SLC17A1: variants seen among roughly 807,000 people sequenced by gnomAD.
SLC17A1 encodes solute carrier family 17 member 1, also known as sodium-dependent phosphate transport protein 1.
Under a neutral mutation model 53.5 loss-of-function variants are expected in SLC17A1, and 51 were observed. The observed-to-expected ratio is 0.95, with a 90% CI of 0.76 to 1.20. The LOEUF (loss-of-function observed/expected upper bound fraction) is 1.20, where lower values mean the gene tolerates loss of function less well. SLC17A1 is among the 50% of genes most tolerant of loss of function. The pLI is 0.00. For synonymous variants in SLC17A1, 179 were observed against 198.8 expected, an observed-to-expected ratio of 0.90 and a Z score of 0.84; for missense variants, 538 against 568.2, an observed-to-expected ratio of 0.95 and a Z score of 0.54.
At chr6:25,801,519 A>G (rs1412047099) in intron 10 of SLC17A1, among the ~76,000 whole-genome samples, 3 of 152,226 alleles carry the variant, frequency 2.0e-5, no homozygotes, top group Non-Finnish European at 4.4e-5. Flanking sequence ...CGATAGATAA[A>G]GGGGTCAAAC....
At chr6:25,726,501 T>C in the SLC17A1 span, 4 of 1,611,344 alleles carry the variant, frequency 2.5e-6, no homozygotes, top group Non-Finnish European at 8.5e-7. Context: ...CGCGTGCTTT[T>C]CCTCCCTGCT....
At chr6:25,772,573 A>T in the SLC17A1 span, among the ~76,000 whole-genome samples, 45 of 152,346 alleles carry the variant, frequency 3.0e-4, 4 homozygotes, top group South Asian at 9.1e-3. Flanking sequence ...CCAACTCTGT[A>T]ATAATGTATA....
chr6:25,769,076 C>T, the SLC17A1 span: 1 of 1,614,096 alleles, frequency 6.2e-7, no homozygotes, highest in African/African-American at 1.3e-5. Flanking sequence ...GCATTGCCAT[C>T]CCAGCTATGG....
chr6:25,726,276 C>T, the SLC17A1 span: 3 of 1,614,106 alleles, frequency 1.9e-6, no homozygotes, highest in East Asian at 2.2e-5. Context: ...TCGCTAGCTG[C>T]AGGTGGCGGG....
chr6:25,814,982 G>GTCTC lies in SLC17A1; in HGVS notation c.617-1770_617-1769insGAGA, dbSNP rs61061466. On this transcript the variant is annotated intron_variant, in intron 6 of 12. Transcript: ENST00000244527. ...GGCTGGCCGACAAAAGCAAGACTCT[G>GTCTC]TCACACAAACACACACACACACACA... is the stretch of plus-strand genomic sequence containing the variant. Among the ~76,000 whole-genome samples the GTCTC allele has an allele frequency of 2.8e-3, 270 of 96,918 alleles. 1 individual carries two copies. Among genetic ancestry groups the GTCTC allele is most frequent in the Middle Eastern group, 5.7e-3 (1 of 176 alleles). 63.6% of individuals were successfully genotyped at this position (96,918 alleles called of 152,430 possible).
intron 1 of SLC17A1, among the ~76,000 whole-genome samples, chr6:25,830,848 A>G (rs62394272): frequency 0.09 from 13,684 of 152,210 alleles, 785 homozygotes; most frequent in Non-Finnish European, 0.12. Flanking sequence ...AACCCTGCCA[A>G]TCCAGAATTC....
chr6:25,747,550 C>A, the SLC17A1 span, among the ~76,000 whole-genome samples: 1 of 152,136 alleles, frequency 6.6e-6, no homozygotes, highest in Non-Finnish European at 1.5e-5. Flanking sequence ...AGAAACCTAC[C>A]GTTATGGACT....
At chr6:25,739,913 A>T in the SLC17A1 span, among the ~76,000 whole-genome samples, 1 of 152,216 alleles carries the variant, frequency 6.6e-6, no homozygotes, top group African/African-American at 2.4e-5. Flanking sequence ...ATAAAATTAT[A>T]TGGAACTATT....
chr6:25,776,546 G>C, the SLC17A1 span: 1 of 1,548,994 alleles, frequency 6.5e-7, no homozygotes, highest in Non-Finnish European at 8.7e-7. Context: ...TCTGTGTCGT[G>C]GTGGGGGTGG....
the SLC17A1 span, chr6:25,770,850 A>G: frequency 8.7e-7 from 1 of 1,143,350 alleles, no homozygotes; most frequent in East Asian, 2.3e-5. Context: ...TCACTGTGCA[A>G]CTCAGCATTG....
chr6:25,732,906 ACC>A, the SLC17A1 span: 1 of 241,878 alleles, frequency 4.1e-6, no homozygotes, highest in Non-Finnish European at 8.1e-6. Flanking sequence ...AAAAACAAAA[ACC>A]CCAAAGCTGA....
the SLC17A1 span, among the ~76,000 whole-genome samples, chr6:25,773,876 C>T: frequency 1.3e-5 from 2 of 152,048 alleles, no homozygotes; most frequent in Non-Finnish European, 2.9e-5. Context: ...GAGGATGATA[C>T]ATATGGTTCT....
At chr6:25,778,088 G>C, downstream of SLC17A1, 1 of 1,113,884 alleles carries the variant, frequency 9.0e-7, no homozygotes, top group South Asian at 1.3e-5. Context: ...CATATGCACG[G>C]CCTTGTATCC....
chr6:25,726,087 T>G, the SLC17A1 span: 1 of 1,478,014 alleles, frequency 6.8e-7, no homozygotes, highest in South Asian at 1.4e-5. Flanking sequence ...AAGAGCCTTT[T>G]GTTTTTTCTG....
At chr6:25,747,248 G>A in the SLC17A1 span, among the ~76,000 whole-genome samples, 2 of 152,172 alleles carry the variant, frequency 1.3e-5, no homozygotes, top group Non-Finnish European at 2.9e-5. Flanking sequence ...CAATTGTTCT[G>A]GCATTCTGAC....
intron 8 of SLC17A1, 24 bp from the exon 9 acceptor site, chr6:25,811,794 G>A (rs1487287420): frequency 6.2e-7 from 1 of 1,613,010 alleles, no homozygotes; most frequent in Non-Finnish European, 8.5e-7. Context: ...ATTATTCTTG[G>A]AGTGAGTTTG....
At position 25,800,876 on chromosome 6, in the gene SLC17A1, T is replaced by C. The variant is rs1581460138; in HGVS notation, c.1269+14A>G. 4 of 1,478,074 alleles carry C rather than the reference T, an allele frequency of 2.7e-6. No homozygotes were observed. The East Asian group carries it at 9.1e-5, about 34-fold the overall frequency. 91.6% of individuals were successfully genotyped at this position (1,478,074 alleles called of 1,614,324 possible). ...AATATTGGAAAAATAACTACACATC[T>C]GTATGTTTCTTACCTGCTTAAGGAT... On this transcript the variant is annotated intron_variant, in intron 11 of 12. Coordinates refer to ENST00000244527, the MANE Select transcript of SLC17A1 (RefSeq NM_005074.5).
intron 12 of SLC17A1, among the ~76,000 whole-genome samples, chr6:25,787,302 CAT>C (rs1033609922): frequency 6.7e-6 from 1 of 150,028 alleles, no homozygotes; most frequent in Admixed American, 6.6e-5. Flanking sequence ...GCCTGGGAAA[CAT>C]AGCTAAACCC....
At chr6:25,729,761 A>G in the SLC17A1 span, among the ~76,000 whole-genome samples, 98 of 151,580 alleles carry the variant, frequency 6.5e-4, no homozygotes, top group Non-Finnish European at 8.8e-5. Flanking sequence ...ATATCCTTCT[A>G]GTACCTCACT....
Sources: allele counts gnomAD v4.1 joint callset (sites outside exome capture counted in the v4.1 genomes callset), GRCh38; gene constraint gnomAD v4.1.1; transcripts MANE v1.5; gene names NCBI Gene and HGNC (gene_info 2026-07-23, HGNC 2026-07-21).